The following RBFOX3 variants were observed in gnomAD, a reference collection of about 807,000 sequenced individuals.
RBFOX3 encodes RNA binding protein fox-1 homolog 3.
RBFOX3 carries 17 observed loss-of-function variants against 48.7 expected under a neutral mutation model. The ratio of observed to expected loss-of-function variants is 0.35; its 90% confidence interval spans 0.24 to 0.52. The LOEUF (loss-of-function observed/expected upper bound fraction) is 0.52. Ranked by LOEUF, RBFOX3 falls within the 20% of genes least tolerant of loss-of-function variation. RBFOX3 has a pLI of 0.94. For synonymous variants in RBFOX3, 212 were observed against 209.5 expected, an observed-to-expected ratio of 1.01 and a Z score of -0.10; for missense variants, 382 against 497.5, an observed-to-expected ratio of 0.77 and a Z score of 2.21.
Position 79,105,628 on chromosome 17 carries a change from G to A in RBFOX3, c.360+1023C>T, listed in dbSNP as rs145672973. Among the ~76,000 whole-genome samples, 592 of 152,342 alleles carry A rather than the reference G, an allele frequency of 3.9e-3. 10 individuals are homozygous for A. Among genetic ancestry groups the A allele is most frequent in the African/African-American group, 0.013 (548 of 41,588 alleles). On this transcript the variant is annotated intron_variant, in intron 6 of 14. Transcript: ENST00000693108. ...GTGGACTTCTAGGGATCACGTCAGGGGGTAGGTGAACGGGGACCTCTCCAC... is the reference window on the plus strand; with the variant it reads ...GTGGACTTCTAGGGATCACGTCAGGAGGTAGGTGAACGGGGACCTCTCCAC...
intron 3 of RBFOX3, among the ~76,000 whole-genome samples, chr17:79,302,540 G>C (rs2075478794): frequency 6.6e-6 from 1 of 152,156 alleles, no homozygotes; most frequent in Non-Finnish European, 1.5e-5. Flanking sequence ...AATTAGCTGG[G>C]CGTGGTGGCA....
At chr17:79,551,128 C>G (rs1402184425) in intron 1 of RBFOX3, among the ~76,000 whole-genome samples, 1 of 152,122 alleles carries the variant, frequency 6.6e-6, no homozygotes, top group African/African-American at 2.4e-5. Context: ...AGTTTTTCAA[C>G]ACACCTTGCT....
At chr17:79,387,335 T>C (rs2060691455) in intron 2 of RBFOX3, among the ~76,000 whole-genome samples, 1 of 152,086 alleles carries the variant, frequency 6.6e-6, no homozygotes, top group African/African-American at 2.4e-5. Context: ...TTAAGAAAAA[T>C]CGGTCCTATT....
chr17:79,159,225 G>A (rs951710185), intron 4 of RBFOX3, among the ~76,000 whole-genome samples: 5 of 152,200 alleles, frequency 3.3e-5, no homozygotes, highest in African/African-American at 1.2e-4. Context: ...GAGCTGACCT[G>A]GGGGTGCCCA....
chr17:79,327,350 C>G (rs537702879), intron 2 of RBFOX3, among the ~76,000 whole-genome samples: 1 of 152,320 alleles, frequency 6.6e-6, no homozygotes, highest in Non-Finnish European at 1.5e-5. Flanking sequence ...CACCCTGGCA[C>G]AAGCTCTGAG....
chr17:79,148,882 C>T (rs933174330), intron 4 of RBFOX3, among the ~76,000 whole-genome samples: 4 of 152,236 alleles, frequency 2.6e-5, no homozygotes, highest in Admixed American at 1.3e-4. Flanking sequence ...CTCGCTGGCA[C>T]TGATCAGGTC....
intron 12 of RBFOX3, 34 bp from the exon 13 acceptor site, chr17:79,095,608 G>A (rs1441511008): frequency 3.9e-6 from 6 of 1,535,572 alleles, no homozygotes; most frequent in East Asian, 4.9e-5. Flanking sequence ...AGAGCAGAGG[G>A]ACTTAGTGGG....
At chr17:79,308,216 G>A (rs974997181) in intron 2 of RBFOX3, among the ~76,000 whole-genome samples, 1 of 152,178 alleles carries the variant, frequency 6.6e-6, no homozygotes, top group Non-Finnish European at 1.5e-5. Flanking sequence ...TGCCAGCAGA[G>A]CCTCCTTGGG....
intron 4 of RBFOX3, among the ~76,000 whole-genome samples, chr17:79,221,953 C>T (rs542062361): frequency 6.6e-6 from 1 of 152,130 alleles, no homozygotes; most frequent in South Asian, 2.1e-4. Context: ...ATATGAGTTG[C>T]TCATGTTGCA....
At chr17:79,228,139 C>T (rs947436347) in intron 4 of RBFOX3, among the ~76,000 whole-genome samples, 2 of 152,216 alleles carry the variant, frequency 1.3e-5, no homozygotes, top group Admixed American at 6.5e-5. Flanking sequence ...AGGTCTCTCT[C>T]GTCACCTGTT....
At chr17:79,608,901 G>C (rs1300950173) in intron 1 of RBFOX3, among the ~76,000 whole-genome samples, 9 of 152,156 alleles carry the variant, frequency 5.9e-5, no homozygotes, top group African/African-American at 2.2e-4. Flanking sequence ...GCGCCGGGAT[G>C]GTTCTAAGAA....
intron 1 of RBFOX3, among the ~76,000 whole-genome samples, chr17:79,559,448 G>C (rs977922984): frequency 6.6e-6 from 1 of 151,610 alleles, no homozygotes; most frequent in Admixed American, 6.6e-5. Context: ...TAGTAGATGG[G>C]TAGGTGGATG....
chr17:79,142,821 A>C (rs2042176111), intron 4 of RBFOX3, among the ~76,000 whole-genome samples: 1 of 152,192 alleles, frequency 6.6e-6, no homozygotes, highest in Non-Finnish European at 1.5e-5. Context: ...CTGGTTCCCA[A>C]GAGACTTTTC....
chr17:79,386,897 G>A (rs1030138149), intron 2 of RBFOX3, among the ~76,000 whole-genome samples: 1 of 152,210 alleles, frequency 6.6e-6, no homozygotes, highest in Non-Finnish European at 1.5e-5. Flanking sequence ...TTTGACATTT[G>A]CTGTCTACTT....
intron 2 of RBFOX3, among the ~76,000 whole-genome samples, chr17:79,338,546 A>C (rs907913): frequency 0.84 from 127,339 of 152,090 alleles, 53,705 homozygotes; most frequent in Non-Finnish European, 0.9. Flanking sequence ...GAGGCACCGC[A>C]CCGCTGCTAT....
rs1174736553 is a variant in RBFOX3, at chr17:79,481,196, GTC to G, written c.-175+1256_-175+1257del. Among the ~76,000 whole-genome samples the G allele has an allele frequency of 1.3e-5, 2 of 152,166 alleles. No homozygotes were observed. Among genetic ancestry groups the G allele is most frequent in the African/African-American group, 4.8e-5 (2 of 41,428 alleles). ...AGACCAGCCTGTGTCCGGGCCTCTG[GTC>G]TCTTTGTCCAGGGTTCTCGTCGGCA... On this transcript the variant is annotated intron_variant, in intron 2 of 14. Coordinates refer to ENST00000693108, the MANE Select transcript of RBFOX3 (RefSeq NM_001350451.2). The surrounding 1 kb of genome is among the most constrained non-coding windows in gnomAD (Gnocchi z 5.4).
chr17:79,118,793 T>C (rs924780417), intron 4 of RBFOX3, among the ~76,000 whole-genome samples: 1 of 139,786 alleles, frequency 7.2e-6, no homozygotes. Flanking sequence ...GACAACACAG[T>C]GAAACCCTCT....
chr17:79,474,907 T>G (rs1157240945), intron 2 of RBFOX3, among the ~76,000 whole-genome samples: 1 of 152,096 alleles, frequency 6.6e-6, no homozygotes, highest in Non-Finnish European at 1.5e-5. Flanking sequence ...CTACCTTTCC[T>G]TCCAATTCAT....
At chr17:79,175,270 G>A (rs1039677278) in intron 4 of RBFOX3, among the ~76,000 whole-genome samples, 15 of 152,290 alleles carry the variant, frequency 9.8e-5, no homozygotes, top group South Asian at 6.2e-4. Flanking sequence ...TGGCATCCTC[G>A]CTCTTTCACA....
Sources: allele counts gnomAD v4.1 joint callset (sites outside exome capture counted in the v4.1 genomes callset), GRCh38; gene constraint gnomAD v4.1.1; non-coding constraint Gnocchi (gnomAD v3.1); transcripts MANE v1.5; gene names NCBI Gene and HGNC (gene_info 2026-07-23, HGNC 2026-07-21).